Variants in WDR37 observed in about 807,000 individuals in gnomAD.
WDR37 encodes WD repeat-containing protein 37.
WDR37 carries 19 observed loss-of-function variants against 62.9 expected under a neutral mutation model. The observed-to-expected ratio is 0.30, with a 90% confidence interval of 0.21 to 0.44. The LOEUF is 0.44. WDR37 is among the 20% of genes least tolerant of loss of function. WDR37 has a pLI of 1.00. For missense variants in WDR37, 474 were observed against 657.6 expected (o/e 0.72, Z 3.05); for synonymous variants, 250 against 260.9 (o/e 0.96, Z 0.40).
At chr10:1,129,045 C>T (rs563492581) in intron 13 of WDR37, among the ~76,000 whole-genome samples, 168 bp from the exon 14 acceptor site, 2 of 151,662 alleles carry the variant, frequency 1.3e-5, no homozygotes, top group East Asian at 3.9e-4. Flanking sequence ...GATCTGTGGT[C>T]CATGCTTGGT....
At chr10:1,117,470 T>G (rs1259578744) in intron 11 of WDR37, among the ~76,000 whole-genome samples, 1 of 152,240 alleles carries the variant, frequency 6.6e-6, no homozygotes, top group African/African-American at 2.4e-5. Flanking sequence ...GAAGGGCTAC[T>G]CAGGAACTCA....
chr10:1,065,849 G>T (rs1833521232), intron 1 of WDR37, among the ~76,000 whole-genome samples: 1 of 151,774 alleles, frequency 6.6e-6, no homozygotes, highest in Non-Finnish European at 1.5e-5. Context: ...GTAGTAAAAG[G>T]AAATAGAAGG....
intron 1 of WDR37, among the ~76,000 whole-genome samples, chr10:1,058,506 A>G (rs974754596): frequency 1.3e-5 from 2 of 152,226 alleles, no homozygotes; most frequent in Non-Finnish European, 2.9e-5. Flanking sequence ...TATTCTTTTC[A>G]GGGAAAAGAT....
chr10:1,113,132 C>T (rs1320692735), intron 11 of WDR37, among the ~76,000 whole-genome samples: 1 of 152,158 alleles, frequency 6.6e-6, no homozygotes, highest in East Asian at 1.9e-4. Context: ...ACAGTTGAAG[C>T]CAGTGCTCAT....
rs1388443302 is a variant in WDR37, at chr10:1,129,262, T to C, written c.1403T>C (p.Val468Ala). ...CCSAWSEDHP[V>A]CNLFTCGFDR... ...TCGGCATGGAGTGAAGACCACCCCG[T>C]GTGCAATCTGTTCACCTGTGGGTTT... Residue 468 changes from valine to alanine, a missense_variant, in exon 14 of 14, where the codon GTG (valine) becomes GCG (alanine). Val to Ala is a moderately conservative substitution (Grantham distance 64, BLOSUM62 0). Transcript: ENST00000263150. 5 of 1,614,186 alleles carry C rather than the reference T, an allele frequency of 3.1e-6. No homozygotes were observed. The highest frequency in any genetic ancestry group is 1.7e-6 in the Non-Finnish European group (2 of 1,180,036).
chr10:1,102,188 G>A (rs1336506090), intron 9 of WDR37, among the ~76,000 whole-genome samples: 2 of 148,576 alleles, frequency 1.3e-5, no homozygotes, highest in African/African-American at 2.5e-5. Flanking sequence ...GTGCGGCTGT[G>A]TGTCCATGTG....
intron 1 of WDR37, among the ~76,000 whole-genome samples, chr10:1,064,906 C>A (rs967630923): frequency 6.6e-6 from 1 of 152,002 alleles, no homozygotes; most frequent in African/African-American, 2.4e-5. Flanking sequence ...GACAGTGGAT[C>A]TTATCAGAAA....
At chr10:1,080,933 G>T (rs1300697945) in intron 5 of WDR37, among the ~76,000 whole-genome samples, 1 of 151,828 alleles carries the variant, frequency 6.6e-6, no homozygotes, top group East Asian at 1.9e-4. Context: ...ATGTCACTAT[G>T]CAGGCATTTA....
intron 7 of WDR37, among the ~76,000 whole-genome samples, chr10:1,091,465 A>C (rs1834385527): frequency 6.6e-6 from 1 of 152,166 alleles, no homozygotes; most frequent in African/African-American, 2.4e-5. Flanking sequence ...TTTTTCATTT[A>C]GTTCCTTAGA....
At chr10:1,126,277 G>C (rs544889529) in intron 13 of WDR37, among the ~76,000 whole-genome samples, 2 of 151,878 alleles carry the variant, frequency 1.3e-5, no homozygotes, top group African/African-American at 2.4e-5. Flanking sequence ...GTGGTGGCGG[G>C]CGTCTGTAGT....
chr10:1,066,614 AG>A (rs1451222788), intron 1 of WDR37, among the ~76,000 whole-genome samples: 1 of 152,248 alleles, frequency 6.6e-6, no homozygotes, highest in African/African-American at 2.4e-5. Context: ...AAAATGTAAA[AG>A]GAAGGACAAA....
At chr10:1,100,720 C>G (rs1390530701) in intron 9 of WDR37, among the ~76,000 whole-genome samples, 15 of 152,196 alleles carry the variant, frequency 9.9e-5, no homozygotes, top group Admixed American at 8.5e-4. Context: ...CTTCCTCAGC[C>G]TTCTTTTTCT....
At chr10:1,098,568 G>A (rs1485287024) in intron 9 of WDR37, among the ~76,000 whole-genome samples, 5 of 152,082 alleles carry the variant, frequency 3.3e-5, no homozygotes, top group Admixed American at 6.6e-5. Flanking sequence ...CTCGTGATCC[G>A]CCCTCCTCGG....
At chr10:1,065,443 A>C (rs1165780122) in intron 1 of WDR37, among the ~76,000 whole-genome samples, 13 of 152,232 alleles carry the variant, frequency 8.5e-5, no homozygotes, top group Non-Finnish European at 2.9e-5. Flanking sequence ...AAATTATAAA[A>C]AATGTTTACC....
intron 7 of WDR37, among the ~76,000 whole-genome samples, chr10:1,092,422 A>C (rs1834426140): frequency 6.6e-6 from 1 of 151,222 alleles, no homozygotes; most frequent in Non-Finnish European, 1.5e-5. Flanking sequence ...GCTGGAGTGC[A>C]GTGGCTCGCG....
intron 7 of WDR37, among the ~76,000 whole-genome samples, chr10:1,092,521 C>T (rs971014351): frequency 2.0e-5 from 3 of 151,924 alleles, no homozygotes; most frequent in Admixed American, 1.3e-4. Flanking sequence ...CAGGCGCCTG[C>T]CACAGTGCCC....
chr10:1,091,350 T>C (rs1298220802), intron 7 of WDR37, among the ~76,000 whole-genome samples: 1 of 152,224 alleles, frequency 6.6e-6, no homozygotes, highest in East Asian at 1.9e-4. Context: ...TGGTTTTAGC[T>C]CCATTGAGTG....
intron 3 of WDR37, among the ~76,000 whole-genome samples, chr10:1,078,707 G>T (rs1310635465): frequency 1.3e-5 from 2 of 152,162 alleles, no homozygotes; most frequent in African/African-American, 2.4e-5. Context: ...TAAAGACAGG[G>T]TCTCACTGTG....
intron 11 of WDR37, among the ~76,000 whole-genome samples, chr10:1,112,061 C>T (rs560827730): frequency 5.3e-5 from 8 of 152,272 alleles, no homozygotes; most frequent in African/African-American, 1.9e-4. Flanking sequence ...GCCTTGGTGG[C>T]TATTTCTTAC....
Sources: allele counts gnomAD v4.1 joint callset (sites outside exome capture counted in the v4.1 genomes callset), GRCh38; gene constraint gnomAD v4.1.1; transcripts MANE v1.5; gene names NCBI Gene and HGNC (gene_info 2026-07-23, HGNC 2026-07-21).